Variants in DNAJC5 observed in about 807,000 individuals in gnomAD.
The protein encoded by DNAJC5 is dnaJ homolog subfamily C member 5.
In DNAJC5, 1 loss-of-function variant was observed where a neutral mutation model predicts 23.2. The observed-to-expected ratio is 0.04, with a 90% confidence interval of 0.02 to 0.20. The LOEUF is 0.20. Ranked by LOEUF, DNAJC5 falls within the 10% of genes least tolerant of loss-of-function variation. DNAJC5 has a pLI of 1.00. For missense variants in DNAJC5, 180 were observed against 267.0 expected, an observed-to-expected ratio of 0.67 and a Z score of 2.27; for synonymous variants, 136 against 120.0, an observed-to-expected ratio of 1.13 and a Z score of -0.87.
Position 63,916,265 on chromosome 20 carries a change from C to G in DNAJC5, c.-11-12070C>G, listed in dbSNP as rs564877712. ...GCCTGGTTATCGGGGGAACCCGCCC[C>G]CAATATTTCAATGTAGGTTCTTTCT... On this transcript the variant is annotated intron_variant, in intron 1 of 4. Coordinates refer to ENST00000360864, the MANE Select transcript of DNAJC5 (RefSeq NM_025219.3). 2.6e-5 allele frequency among the ~76,000 whole-genome samples: 4 copies of G among 152,314 alleles called. 1 individual carries two copies. Among genetic ancestry groups the G allele is most frequent in the African/African-American group, 9.6e-5 (4 of 41,588 alleles).
rs1322084919 is a variant in DNAJC5 at position 63,935,430 on chromosome 20, G to A, written c.*3862G>A. ...ACGGCCCCCACCAGCATTGGCCTCTGCTCTGCAGGGTGGGGTGCCCATCCT... is the reference window on the plus strand; with the variant it reads ...ACGGCCCCCACCAGCATTGGCCTCTACTCTGCAGGGTGGGGTGCCCATCCT... On this transcript the variant is annotated 3_prime_UTR_variant, in exon 5 of 5. Transcript: ENST00000360864. 1.3e-5 allele frequency: 2 copies of A among 152,356 alleles called. No homozygotes were observed. The highest frequency in any genetic ancestry group is 6.5e-5 in the Admixed American group (1 of 15,288). The allele number at this position is 152,356 out of a possible 1,614,324, so 9.4% of individuals were successfully genotyped here.
At chr20:63,908,058 G>T (rs983046297) in intron 1 of DNAJC5, among the ~76,000 whole-genome samples, 5 of 152,224 alleles carry the variant, frequency 3.3e-5, no homozygotes, top group African/African-American at 1.2e-4. Context: ...GAGCCACTGC[G>T]CCTGGCCCTG....
chr20:63,910,536 C>G (rs1368683545), intron 1 of DNAJC5, among the ~76,000 whole-genome samples: 1 of 151,532 alleles, frequency 6.6e-6, no homozygotes, highest in Middle Eastern at 3.4e-3. Flanking sequence ...GAGCGAGACT[C>G]CCTCTCGAAA....
rs369916058 is a variant in DNAJC5 at position 63,931,261 on chromosome 20, C to A, written c.494-204C>A. 3.1e-4 allele frequency: 242 copies of A among 781,170 alleles called. No individual in the cohort carries two copies. The highest frequency in any genetic ancestry group is 1.3e-3 in the East Asian group (49 of 37,398). 48.4% of individuals were successfully genotyped at this position (781,170 alleles called of 1,614,324 possible). On this transcript the variant is annotated intron_variant, in intron 4 of 4. Coordinates refer to ENST00000360864, the MANE Select transcript of DNAJC5 (RefSeq NM_025219.3). This position sits in a 1 kb window ranked among gnomAD's most constrained non-coding sequence, Gnocchi z 9.6. Reference sequence around the variant, plus strand: ...CCAGGGACTGCGAGGCGGGGCAGGGCGGCAGGCAGTTGGGGCGGGGCTGAG... The same window carrying A: ...CCAGGGACTGCGAGGCGGGGCAGGGAGGCAGGCAGTTGGGGCGGGGCTGAG...
intron 1 of DNAJC5, among the ~76,000 whole-genome samples, chr20:63,900,046 A>C (rs2053401865): frequency 6.6e-6 from 1 of 150,902 alleles, no homozygotes; most frequent in Non-Finnish European, 1.5e-5. Flanking sequence ...CTGCCATGAC[A>C]CCCGGCTAAT....
At chr20:63,896,041 G>A (rs1047512713) in intron 1 of DNAJC5, among the ~76,000 whole-genome samples, 1 of 152,172 alleles carries the variant, frequency 6.6e-6, no homozygotes, top group Non-Finnish European at 1.5e-5. Flanking sequence ...ACAGGAAAAG[G>A]AAGCAAAAAT....
chr20:63,926,200 C>T (rs2053615090), intron 1 of DNAJC5, among the ~76,000 whole-genome samples: 1 of 152,172 alleles, frequency 6.6e-6, no homozygotes, highest in Non-Finnish European at 1.5e-5. Context: ...TATTTCATGT[C>T]AGTCTTGGTA....
At chr20:63,922,460 C>G (rs1303841538) in intron 1 of DNAJC5, among the ~76,000 whole-genome samples, 2 of 128,756 alleles carry the variant, frequency 1.6e-5, no homozygotes, top group Non-Finnish European at 3.1e-5. Context: ...GAGTGAGACT[C>G]TGTCTCAAAA....
At chr20:63,918,979 A>G (rs2053539191) in intron 1 of DNAJC5, among the ~76,000 whole-genome samples, 1 of 152,222 alleles carries the variant, frequency 6.6e-6, no homozygotes, top group South Asian at 2.1e-4. Flanking sequence ...TCCTTTTAAG[A>G]TGTTTTCATA....
At chr20:63,918,529 A>C (rs985891432) in intron 1 of DNAJC5, among the ~76,000 whole-genome samples, 4 of 152,144 alleles carry the variant, frequency 2.6e-5, no homozygotes, top group Non-Finnish European at 4.4e-5. Context: ...GTTATTGATA[A>C]TTTTCCAGTT....
Position 63,929,239 on chromosome 20 carries a change from T to C in DNAJC5, c.108-73T>C. On this transcript the variant is annotated intron_variant, in intron 2 of 4. Transcript: ENST00000360864. This position sits in a 1 kb window ranked among gnomAD's most constrained non-coding sequence, Gnocchi z 8.6. ...CACTGCACCCGGCAGTGCGTGCGGG[T>C]GGGATGGACGCGGCGGCGGGTGCGG... The C allele has an allele frequency of 6.5e-7, 1 of 1,533,228 alleles. No homozygotes were observed. Among genetic ancestry groups the C allele is most frequent in the East Asian group, 2.4e-5 (1 of 41,056 alleles). The allele number at this position is 1,533,228 out of a possible 1,614,324, so 95.0% of individuals were successfully genotyped here.
intron 1 of DNAJC5, among the ~76,000 whole-genome samples, chr20:63,900,921 G>A (rs2053407332): frequency 6.6e-6 from 1 of 152,196 alleles, no homozygotes. Context: ...TCATTTACGA[G>A]GTGAAGTGTC....
chr20:63,902,093 C>T (rs1056090612), intron 1 of DNAJC5, among the ~76,000 whole-genome samples: 202 of 151,594 alleles, frequency 1.3e-3, no homozygotes, highest in African/African-American at 4.6e-3. Flanking sequence ...CTTGTGCTGT[C>T]GCCCAGGCTG....
chr20:63,897,262 C>T (rs933244155), intron 1 of DNAJC5, among the ~76,000 whole-genome samples: 1 of 151,996 alleles, frequency 6.6e-6, no homozygotes, highest in South Asian at 2.1e-4. Flanking sequence ...GGTGTGGTGG[C>T]GTGTGCCTGT....
At position 63,925,918 on chromosome 20, in the gene DNAJC5, T is replaced by C. The variant is rs564483904; in HGVS notation, c.-11-2417T>C. The stretch of plus-strand genomic sequence containing the variant: ...TCTCTGCTCACTGCAAGCTCCGCCT[T>C]CCGGGTTAACGTCATTCTCCTGCCT... On this transcript the variant is annotated intron_variant, in intron 1 of 4. Coordinates refer to ENST00000360864, the MANE Select transcript of DNAJC5 (RefSeq NM_025219.3). 2.4e-3 allele frequency among the ~76,000 whole-genome samples: 360 copies of C among 151,104 alleles called. 1 individual carries two copies. Among genetic ancestry groups the C allele is most frequent in the Non-Finnish European group, 4.1e-3 (277 of 67,802 alleles).
At chr20:63,903,954 T>C (rs1384881310) in intron 1 of DNAJC5, among the ~76,000 whole-genome samples, 1 of 152,004 alleles carries the variant, frequency 6.6e-6, no homozygotes, top group African/African-American at 2.4e-5. Flanking sequence ...GGCGTGGTGG[T>C]GCATGCCTGT....
At chr20:63,903,498 G>A (rs1051656418) in intron 1 of DNAJC5, among the ~76,000 whole-genome samples, 15 of 152,110 alleles carry the variant, frequency 9.9e-5, no homozygotes, top group Admixed American at 5.2e-4. Context: ...TAGTAGAGAC[G>A]GGGTTTCACC....
intron 1 of DNAJC5, among the ~76,000 whole-genome samples, chr20:63,903,096 C>T (rs987352349): frequency 2.6e-4 from 40 of 152,276 alleles, no homozygotes; most frequent in Admixed American, 1.9e-3. Context: ...TCTCAGCCTC[C>T]CAAGTAGCTG....
At position 63,914,844 on chromosome 20, in the gene DNAJC5, G is replaced by A. The variant is rs905738630; in HGVS notation, c.-11-13491G>A. Among the ~76,000 whole-genome samples, 3 of 152,014 alleles carry A rather than the reference G, an allele frequency of 2.0e-5. No individual in the cohort carries two copies. In the East Asian group the frequency reaches 5.8e-4, roughly 29 times the overall value. On this transcript the variant is annotated intron_variant, in intron 1 of 4. Transcript: ENST00000360864. ...TTGCCCAGGCTGGTCTCAAACTCCT[G>A]ACCTCAGGTGATCTGCCCTCCTCGG...
Sources: gnomAD v4.1 joint callset for allele counts (sites outside exome capture counted in the v4.1 genomes callset) on GRCh38, gnomAD v4.1.1 for gene constraint, Gnocchi (gnomAD v3.1) non-coding constraint, MANE v1.5 for transcripts, NCBI Gene and HGNC (gene_info 2026-07-23, HGNC 2026-07-21) for gene names.